SLC35E3: variants seen among roughly 807,000 people sequenced by gnomAD.
SLC35E3 encodes solute carrier family 35 member E3.
SLC35E3 carries 28 observed loss-of-function variants against 30.8 expected under a neutral mutation model. The observed-to-expected ratio is 0.91, with a 90% confidence interval of 0.67 to 1.25. SLC35E3 has a LOEUF of 1.25. SLC35E3 is among the 50% of genes most tolerant of loss of function. The pLI, the probability that SLC35E3 is intolerant of heterozygous loss-of-function variation, is 0.00. For missense variants in SLC35E3, 365 were observed against 375.4 expected (o/e 0.97, Z 0.23); for synonymous variants, 146 against 149.2 (o/e 0.98, Z 0.16).
chr12:68,752,009 A>G (rs1312651617), intron 2 of SLC35E3, 23 bp from the exon 3 acceptor site: 1 of 1,555,244 alleles, frequency 6.4e-7, no homozygotes. Flanking sequence ...TGTGCCAGAC[A>G]TGTTTTATCT....
Position 68,755,258 on chromosome 12 carries a change from G to A in SLC35E3, c.672+3068G>A, listed in dbSNP as rs1436659400. On this transcript the variant is annotated intron_variant, in intron 3 of 4. Coordinates refer to ENST00000398004, the MANE Select transcript of SLC35E3 (RefSeq NM_018656.5). ...TGAGGATTTCAACATAGGAATTTTG[G>A]GGGGACACAAACATTCAGTCCATAA... Among the ~76,000 whole-genome samples, 4 of 152,192 alleles carry A rather than the reference G, an allele frequency of 2.6e-5. No individual in the cohort carries two copies. In the East Asian group the frequency reaches 7.7e-4, roughly 29 times the overall value.
chr12:68,758,140 G>A (rs1045245406), intron 3 of SLC35E3, among the ~76,000 whole-genome samples: 12 of 151,590 alleles, frequency 7.9e-5, no homozygotes, highest in African/African-American at 2.2e-4. Flanking sequence ...AAAAGATCTC[G>A]GCCGGGTGCA....
chr12:68,746,404 G>C lies in SLC35E3; in HGVS notation c.27G>C (p.Arg9=), dbSNP rs1402172787. The C allele has an allele frequency of 6.2e-7, 1 of 1,605,188 alleles. No homozygotes were observed. Among genetic ancestry groups the C allele is most frequent in the African/African-American group, 1.3e-5 (1 of 74,972 alleles). Residue 9 remains arginine (R), a synonymous_variant, in exon 1 of 5, where the codon CGG becomes CGC. Coordinates refer to ENST00000398004, the MANE Select transcript of SLC35E3 (RefSeq NM_018656.5). ...TGGCATTGCTGGTGGACCGAGTGCG[G>C]GGCCACTGGCGAATCGCCGCCGGGC... MALLVDRV[R]GHWRIAAGLL...
At chr12:68,753,393 C>T (rs1878878530) in intron 3 of SLC35E3, among the ~76,000 whole-genome samples, 1 of 151,686 alleles carries the variant, frequency 6.6e-6, no homozygotes, top group African/African-American at 2.4e-5. Flanking sequence ...GTCGAGGCTG[C>T]AGTGAGCCAA....
At chr12:68,755,839 A>C (rs1247759290) in intron 3 of SLC35E3, among the ~76,000 whole-genome samples, 1 of 152,336 alleles carries the variant, frequency 6.6e-6, no homozygotes, top group Non-Finnish European at 1.5e-5. Context: ...AACACCTTCT[A>C]CTAGGCCTCA....
intron 4 of SLC35E3, among the ~76,000 whole-genome samples, chr12:68,760,399 C>G (rs1865908017): frequency 1.3e-5 from 2 of 152,124 alleles, no homozygotes; most frequent in African/African-American, 4.8e-5. Context: ...CAATACTTAA[C>G]AAATATTTAT....
intron 4 of SLC35E3, among the ~76,000 whole-genome samples, chr12:68,759,703 TA>T (rs765439476): frequency 4.4e-3 from 600 of 136,384 alleles, no homozygotes; most frequent in Middle Eastern, 0.011. Context: ...GACTCTGTCT[TA>T]AAAAAAAAAA....
At chr12:68,751,926 C>T (rs778133615) in intron 2 of SLC35E3, 106 bp from the exon 3 acceptor site, 4 of 1,073,468 alleles carry the variant, frequency 3.7e-6, no homozygotes, top group Non-Finnish European at 5.3e-6. Context: ...TTATCTTCCC[C>T]TAGTCTATAC....
rs1329308562 is a variant in SLC35E3, at chr12:68,752,102, C to T, written c.584C>T (p.Ser195Leu). 1.2e-6 allele frequency: 2 copies of T among 1,613,968 alleles called. No individual in the cohort carries two copies. The highest frequency in any genetic ancestry group is 4.5e-5 in the East Asian group (2 of 44,882). The stretch of plus-strand genomic sequence containing the variant: ...CTGCTGTACTACCAGGCTCCGATGT[C>T]ATCTGCCATGTTGCTGGTTGCTGTG... ...MQLLYYQAPM[S>L]SAMLLVAVPF... is the part of the protein sequence containing the mutation. Residue 195 changes from serine (S) to leucine (L), a missense_variant, in exon 3 of 5, where the codon TCA (serine) becomes TTA (leucine). By Grantham distance (145) the Ser-to-Leu change is moderately radical. Coordinates refer to ENST00000398004, the MANE Select transcript of SLC35E3 (RefSeq NM_018656.5).
intron 3 of SLC35E3, among the ~76,000 whole-genome samples, chr12:68,752,886 C>T (rs1565712912): frequency 6.6e-6 from 1 of 152,058 alleles, no homozygotes; most frequent in South Asian, 2.1e-4. Flanking sequence ...TGGCTCATGC[C>T]TGTAATCCCA....
chr12:68,764,517 A>G (rs1363485281), intron 4 of SLC35E3, among the ~76,000 whole-genome samples, 187 bp from the exon 5 acceptor site: 2 of 152,230 alleles, frequency 1.3e-5, no homozygotes, highest in Middle Eastern at 3.4e-3. Flanking sequence ...TCAAATTCCC[A>G]GCCTCAAGTG....
At chr12:68,761,373 C>A (rs562907545) in intron 4 of SLC35E3, among the ~76,000 whole-genome samples, 5 of 152,232 alleles carry the variant, frequency 3.3e-5, no homozygotes, top group Admixed American at 1.3e-4. Context: ...CATAGTAAGA[C>A]CCTGTCTCTA....
chr12:68,751,759 G>A (rs952629810), intron 2 of SLC35E3, among the ~76,000 whole-genome samples: 3 of 152,116 alleles, frequency 2.0e-5, no homozygotes, highest in Admixed American at 2.0e-4. Context: ...ACTAGGATCA[G>A]GTAGAAGGAA....
At chr12:68,753,535 T>G (rs559005502) in intron 3 of SLC35E3, among the ~76,000 whole-genome samples, 1 of 152,254 alleles carries the variant, frequency 6.6e-6, no homozygotes, top group Admixed American at 6.5e-5. Flanking sequence ...GTAATTACCT[T>G]TACCATTTTG....
rs1879841527 is a variant in SLC35E3 at position 68,780,018 on chromosome 12, G to A, written c.*15128G>A. The A allele has an allele frequency of 6.6e-6, 1 of 151,966 alleles. No homozygotes were observed. The highest frequency in any genetic ancestry group is 2.4e-5 in the African/African-American group (1 of 41,370). The allele number at this position is 151,966 out of a possible 1,614,324, so 9.4% of individuals were successfully genotyped here. The stretch of plus-strand genomic sequence containing the variant: ...AAGCATAGAGGGAGGGATGAAGAGG[G>A]ACATTTTAAGCCACTTCTCTGGCCC... On this transcript the variant is annotated 3_prime_UTR_variant, in exon 5 of 5. Transcript: ENST00000398004.
At position 68,748,014 on chromosome 12, in the gene SLC35E3, G is replaced by T. The variant is rs1878659478; in HGVS notation, c.487G>T (p.Val163Phe). 3 of 1,607,358 alleles carry T rather than the reference G, an allele frequency of 1.9e-6. No homozygotes were observed. The African/African-American group carries it at 4.0e-5, about 22-fold the overall frequency. The change falls in exon 2 of 5, where the codon GTT (valine) becomes TTT (phenylalanine). Residue 163 changes from valine to phenylalanine, a missense_variant. Transcript: ENST00000398004. ...TGGAATGGTGTTTGCTGCTCTTGGTGTTTTAGTTACATCCCTTTATCAAGT... is the reference window on the plus strand; with the variant it reads ...TGGAATGGTGTTTGCTGCTCTTGGTTTTTTAGTTACATCCCTTTATCAAGT... ...FLGMVFAALG[V>F]LVTSLYQVWV...
chr12:68,752,447 G>A (rs530421793), intron 3 of SLC35E3, among the ~76,000 whole-genome samples: 37 of 152,264 alleles, frequency 2.4e-4, no homozygotes, highest in African/African-American at 8.7e-4. Flanking sequence ...CCGATGCCTG[G>A]TTACTGTTCT....
rs925442022 is a variant in SLC35E3 at position 68,765,256 on chromosome 12, C to CA, written c.*378dup. ...GGGCAACAAGAGCGAAACTCCATTT[C>CA]AAAAAAAAAAAATTGGTGACAGACT... On this transcript the variant is annotated 3_prime_UTR_variant, in exon 5 of 5. Coordinates refer to ENST00000398004, the MANE Select transcript of SLC35E3 (RefSeq NM_018656.5). 1,211 of 129,522 alleles carry CA rather than the reference C, an allele frequency of 9.3e-3. 14 individuals are homozygous for CA. Among genetic ancestry groups the CA allele is most frequent in the African/African-American group, 0.028 (984 of 34,764 alleles). The allele number at this position is 129,522 out of a possible 1,614,324, so 8.0% of individuals were successfully genotyped here.
At chr12:68,757,934 C>CA (rs1280050588) in intron 3 of SLC35E3, among the ~76,000 whole-genome samples, 1 of 144,208 alleles carries the variant, frequency 6.9e-6, no homozygotes, top group Non-Finnish European at 1.5e-5. Context: ...CCAAAAAATT[C>CA]AAAAAAAATT....
Sources: gnomAD v4.1 joint callset for allele counts (sites outside exome capture counted in the v4.1 genomes callset) on GRCh38, gnomAD v4.1.1 for gene constraint, MANE v1.5 for transcripts, NCBI Gene and HGNC (gene_info 2026-07-23, HGNC 2026-07-21) for gene names.